The following PRDM16 variants were observed in gnomAD, a reference collection of about 807,000 sequenced individuals.
PRDM16 encodes the protein histone-lysine N-methyltransferase PRDM16.
In PRDM16, 23 loss-of-function variants were observed where a neutral mutation model predicts 110.6. The ratio of observed to expected loss-of-function variants is 0.21; its 90% CI spans 0.15 to 0.29. The LOEUF (loss-of-function observed/expected upper bound fraction) is 0.29. PRDM16 is among the 10% of genes least tolerant of loss of function. The probability of loss-of-function intolerance (pLI) is 1.00; values close to 1 mark genes in which losing one functional copy is unlikely to be tolerated. For synonymous variants in PRDM16, 799 were observed against 781.8 expected, an observed-to-expected ratio of 1.02 and a Z score of -0.37; for missense variants, 1,615 against 1,794.3, an observed-to-expected ratio of 0.90 and a Z score of 1.81.
chr1:3,268,029 C>A (rs1171279730), intron 3 of PRDM16, among the ~76,000 whole-genome samples: 1 of 152,236 alleles, frequency 6.6e-6, no homozygotes, highest in Non-Finnish European at 1.5e-5. Flanking sequence ...GGGTGCAGAC[C>A]TCAGGGGCCT....
At chr1:3,403,145 GAC>G in intron 6 of PRDM16, 147 bp downstream of exon 6, 1 of 767,246 alleles carries the variant, frequency 1.3e-6, no homozygotes, top group Non-Finnish European at 2.2e-6. Context: ...CCCCTGGTGG[GAC>G]ACACCCTGGG....
chr1:3,351,594 C>T (rs1427099052), intron 3 of PRDM16, among the ~76,000 whole-genome samples: 86 of 854 alleles, frequency 0.1, 2 homozygotes, highest in Middle Eastern at 0.5. Context: ...CTCCCTCTCT[C>T]TTCCCCTCCC....
At chr1:3,073,475 G>C (rs995438409) in intron 1 of PRDM16, among the ~76,000 whole-genome samples, 2 of 152,224 alleles carry the variant, frequency 1.3e-5, no homozygotes, top group South Asian at 2.1e-4. Context: ...CCCGTGTAAC[G>C]AGTCTTGGAA....
At chr1:3,117,377 C>T (rs1642985261) in intron 1 of PRDM16, among the ~76,000 whole-genome samples, 1 of 152,098 alleles carries the variant, frequency 6.6e-6, no homozygotes, top group Admixed American at 6.6e-5. Context: ...ACCAGGGGTT[C>T]GGAGGGTCTC....
chr1:3,314,072 G>GGGGGGT (rs1553161923), intron 3 of PRDM16, among the ~76,000 whole-genome samples: 1,650 of 110,176 alleles, frequency 0.015, 281 homozygotes, highest in African/African-American at 0.051. Flanking sequence ...CTTCCCCACC[G>GGGGGGT]GGGGGGGGGG....
At chr1:3,087,735 A>G (rs1049581130) in intron 1 of PRDM16, among the ~76,000 whole-genome samples, 1 of 152,100 alleles carries the variant, frequency 6.6e-6, no homozygotes, top group Non-Finnish European at 1.5e-5. Context: ...CTTTTCAAAA[A>G]TCACGTCTTG....
rs1009793175 is a variant in PRDM16 at position 3,157,350 on chromosome 1, A to G, written c.38-28775A>G. 2.7e-5 allele frequency among the ~76,000 whole-genome samples: 4 copies of G among 148,588 alleles called. No homozygotes were observed. Among genetic ancestry groups the G allele is most frequent in the African/African-American group, 1.0e-4 (4 of 39,962 alleles). ...TTGTTGTGTTTACCGCATTTATTCTATTGATTGACTGAATTTACAGCATTT... is the reference window on the plus strand; with the variant it reads ...TTGTTGTGTTTACCGCATTTATTCTGTTGATTGACTGAATTTACAGCATTT... On this transcript the variant is annotated intron_variant, in intron 1 of 16. Transcript: ENST00000270722. The surrounding 1 kb of genome is among the most constrained non-coding windows in gnomAD (Gnocchi z 4.8).
In PRDM16 at chr1:3,411,575, G is replaced by A. The variant is rs1342030569; in HGVS notation, c.1378G>A (p.Gly460Ser). ...CACGCCGGGCGGCATCTTTGCCCCGGGCCTGCCCTTGACCCCCAGCCCCAT... is the reference window on the plus strand; with the variant it reads ...CACGCCGGGCGGCATCTTTGCCCCGAGCCTGCCCTTGACCCCCAGCCCCAT... Reference protein sequence around the residue: ...HYTPGGIFAPGLPLTPSPMMD... With the variant: ...HYTPGGIFAPSLPLTPSPMMD... Residue 460 changes from glycine to serine, a missense_variant, in exon 9 of 17, where the codon GGC becomes AGC. This residue lies in a region of PRDM16 where 772 missense variants were observed against 748.3 expected (regional missense o/e 1.03). Transcript: ENST00000270722. 6.2e-7 allele frequency: 1 copy of A among 1,613,992 alleles called. No individual in the cohort carries two copies. Among genetic ancestry groups the A allele is most frequent in the Non-Finnish European group, 8.5e-7 (1 of 1,180,016 alleles).
intron 3 of PRDM16, among the ~76,000 whole-genome samples, chr1:3,263,099 C>G: frequency 6.6e-6 from 1 of 152,134 alleles, no homozygotes; most frequent in East Asian, 1.9e-4. Context: ...CCCAGGGGCT[C>G]CACAGACCCT....
Position 3,186,171 on chromosome 1 carries a change from G to A in PRDM16, c.84G>A (p.Leu28=), listed in dbSNP as rs369709426. 3.7e-6 allele frequency: 6 copies of A among 1,612,772 alleles called. No individual in the cohort carries two copies. Among genetic ancestry groups the A allele is most frequent in the Non-Finnish European group, 5.1e-6 (6 of 1,179,974 alleles). Residue 28 remains leucine (L), a synonymous_variant, in exon 2 of 17, where the codon CTG becomes CTA. Transcript: ENST00000270722. ...ATATGTATGAGCCCAACCGGGACCT[G>A]CTGGCCAGCCACAGCGCGGAGGACG... ...VNNMYEPNRD[L]LASHSAEDEA...
intron 2 of PRDM16, among the ~76,000 whole-genome samples, chr1:3,203,723 T>TAGTC (rs1638685400): frequency 6.6e-6 from 1 of 152,178 alleles, no homozygotes; most frequent in Non-Finnish European, 1.5e-5. Context: ...GTAAAGATAT[T>TAGTC]AGTCATATTG....
chr1:3,321,080 C>T (rs1265583079), intron 3 of PRDM16, among the ~76,000 whole-genome samples: 1 of 152,152 alleles, frequency 6.6e-6, no homozygotes, highest in Non-Finnish European at 1.5e-5. Flanking sequence ...ATGGGAGCTG[C>T]GTGGGTGTGA....
intron 1 of PRDM16, among the ~76,000 whole-genome samples, chr1:3,153,987 G>C (rs940331538): frequency 1.3e-5 from 2 of 152,224 alleles, no homozygotes; most frequent in African/African-American, 4.8e-5. Flanking sequence ...CACAGCTTCT[G>C]AAGCAATTAG....
At position 3,202,000 on chromosome 1, in the gene PRDM16, G is replaced by C. The variant is rs529587624; in HGVS notation, c.387+15526G>C. ...ATAGTGGGTCCCACACGTCCATGAGGCAGGGGACGCCCTCACAGTGGAGAG... is the reference window on the plus strand; with the variant it reads ...ATAGTGGGTCCCACACGTCCATGAGCCAGGGGACGCCCTCACAGTGGAGAG... On this transcript the variant is annotated intron_variant, in intron 2 of 16. Coordinates refer to ENST00000270722, the MANE Select transcript of PRDM16 (RefSeq NM_022114.4). This position sits in a 1 kb window ranked among gnomAD's most constrained non-coding sequence, Gnocchi z 4.1. 6.6e-6 allele frequency among the ~76,000 whole-genome samples: 1 copy of C among 152,312 alleles called. No individual in the cohort carries two copies. The highest frequency in any genetic ancestry group is 2.4e-5 in the African/African-American group (1 of 41,580).
chr1:3,354,321 G>A (rs1331376500), intron 3 of PRDM16, among the ~76,000 whole-genome samples: 1 of 152,040 alleles, frequency 6.6e-6, no homozygotes, highest in Non-Finnish European at 1.5e-5. Flanking sequence ...TTAGCCAGGC[G>A]TTGTGGTGCG....
intron 3 of PRDM16, among the ~76,000 whole-genome samples, chr1:3,269,843 T>G (rs79443419): frequency 0.22 from 17,100 of 77,596 alleles, 3,157 homozygotes; most frequent in African/African-American, 0.62. Context: ...TCCCAGAGGA[T>G]GAAAGTCCCA....
At chr1:3,194,081 G>A (rs753394578) in intron 2 of PRDM16, among the ~76,000 whole-genome samples, 5 of 152,350 alleles carry the variant, frequency 3.3e-5, no homozygotes, top group South Asian at 2.1e-4. Context: ...TGGAGAGCCC[G>A]CCTGCATGTC....
In PRDM16 at chr1:3,245,078, CG is replaced by C. The variant is rs982883479; in HGVS notation, c.438+945del. Among the ~76,000 whole-genome samples the C allele has an allele frequency of 2.0e-5, 3 of 151,974 alleles. No individual in the cohort carries two copies. The highest frequency in any genetic ancestry group is 7.2e-5 in the African/African-American group (3 of 41,384). ...CAGCATCGCAGGGGGCGGGGTGGGG[CG>C]GGGTGCACCATGGGGGTTGCTGGCA... is the stretch of plus-strand genomic sequence containing the variant. On this transcript the variant is annotated intron_variant, in intron 3 of 16. Transcript: ENST00000270722. This position sits in a 1 kb window ranked among gnomAD's most constrained non-coding sequence, Gnocchi z 4.7.
At chr1:3,239,636 C>T (rs1038016825) in intron 2 of PRDM16, among the ~76,000 whole-genome samples, 1 of 152,178 alleles carries the variant, frequency 6.6e-6, no homozygotes, top group Admixed American at 6.5e-5. Context: ...GAAGCTACTT[C>T]AGAAATGGGC....
Sources: gnomAD v4.1 joint callset for allele counts (sites outside exome capture counted in the v4.1 genomes callset) on GRCh38, gnomAD v4.1.1 for gene constraint, gnomAD v4.1.1 regional missense constraint, Gnocchi (gnomAD v3.1) non-coding constraint, MANE v1.5 for transcripts, NCBI Gene and HGNC (gene_info 2026-07-23, HGNC 2026-07-21) for gene names.